The following CSMD2 variants were observed in gnomAD, a reference collection of about 807,000 sequenced individuals.
CSMD2 encodes the protein CUB and Sushi multiple domains 2.
A neutral mutation model predicts 398.5 loss-of-function variants in CSMD2; 130 were observed. That is an observed-to-expected ratio of 0.33 (90% confidence interval 0.28 to 0.38). The LOEUF (loss-of-function observed/expected upper bound fraction) is 0.38. Among genes scored for constraint, CSMD2 ranks in the 10% least tolerant of loss-of-function variants. The pLI is 1.00. For synonymous variants in CSMD2, 1,828 were observed against 1,908.5 expected (o/e 0.96, Z 1.10); for missense variants, 3,829 against 4,764.9 (o/e 0.80, Z 5.78).
At chr1:33,801,443 C>T (rs1010721155) in intron 10 of CSMD2, among the ~76,000 whole-genome samples, 4 of 152,094 alleles carry the variant, frequency 2.6e-5, no homozygotes, top group Admixed American at 2.0e-4. Flanking sequence ...CAAGAGGAGG[C>T]CCTGGAGGAA....
chr1:33,520,557 C>T (rs61801991), intron 68 of CSMD2, among the ~76,000 whole-genome samples: 49 of 152,184 alleles, frequency 3.2e-4, no homozygotes, highest in Non-Finnish European at 6.3e-4. Context: ...GCCTTTGCAG[C>T]GTGCCTGGCC....
intron 3 of CSMD2, among the ~76,000 whole-genome samples, chr1:33,982,264 C>T (rs954020628): frequency 4.6e-5 from 7 of 151,972 alleles, no homozygotes; most frequent in South Asian, 4.2e-4. Context: ...AGAACCAGGG[C>T]GGGAGGAAGG....
At chr1:33,586,359 T>A in intron 46 of CSMD2, 145 bp downstream of exon 46, 1 of 586,986 alleles carries the variant, frequency 1.7e-6, no homozygotes, top group Non-Finnish European at 3.2e-6. Flanking sequence ...CACTTACTCA[T>A]CCATCAGACA....
chr1:33,688,823 C>CA (rs953127226), intron 25 of CSMD2, among the ~76,000 whole-genome samples: 5 of 150,504 alleles, frequency 3.3e-5, no homozygotes, highest in South Asian at 4.2e-4. Context: ...AACCCTCCTC[C>CA]AAAAAAAAGA....
intron 42 of CSMD2, among the ~76,000 whole-genome samples, chr1:33,602,898 T>C (rs1415960860): frequency 3.3e-5 from 5 of 152,210 alleles, no homozygotes; most frequent in Non-Finnish European, 5.9e-5. Context: ...GGGTCAGAGC[T>C]GCAGTGCTTT....
At chr1:33,807,839 A>C (rs1299541494) in intron 10 of CSMD2, among the ~76,000 whole-genome samples, 4 of 152,190 alleles carry the variant, frequency 2.6e-5, no homozygotes, top group Non-Finnish European at 5.9e-5. Context: ...TAGTTAAAAG[A>C]CAAATGGTCA....
At chr1:34,133,833 G>C (rs1300040141) in intron 1 of CSMD2, among the ~76,000 whole-genome samples, 2 of 151,946 alleles carry the variant, frequency 1.3e-5, no homozygotes, top group Admixed American at 6.6e-5. Flanking sequence ...CACTTTGGGA[G>C]GCCGAGGTGG....
In CSMD2 at chr1:33,905,178, A is replaced by G. The variant is rs76936702; in HGVS notation, c.920+12916T>C. Among the ~76,000 whole-genome samples the G allele has an allele frequency of 2.5e-3, 384 of 152,292 alleles. 3 individuals are homozygous for G. Among genetic ancestry groups the G allele is most frequent in the African/African-American group, 8.9e-3 (370 of 41,552 alleles). ...CCTTGAGGACTGAAAATTTAAATCA[A>G]GAGCCACTGGCATCTAGATGATATT... On this transcript the variant is annotated intron_variant, in intron 5 of 70. Transcript: ENST00000373381.
At chr1:33,731,753 G>A (rs570985777) in intron 15 of CSMD2, among the ~76,000 whole-genome samples, 5 of 152,222 alleles carry the variant, frequency 3.3e-5, no homozygotes, top group South Asian at 4.2e-4. Context: ...ATCAAAGAAC[G>A]TATTAGCCAA....
At position 33,709,112 on chromosome 1, in the gene CSMD2, G is replaced by C. The variant is rs1337815388; in HGVS notation, c.3553C>G (p.Leu1185Val). 4 of 1,613,812 alleles carry C rather than the reference G, an allele frequency of 2.5e-6. No homozygotes were observed. In the South Asian group the frequency reaches 4.4e-5, roughly 18 times the overall value. The change falls in exon 22 of 71, where the codon CTC becomes GTC. Residue 1185 changes from leucine to valine, a missense_variant. By Grantham distance (32) the Leu-to-Val change is conservative. Coordinates refer to ENST00000373381, the MANE Select transcript of CSMD2 (RefSeq NM_001281956.2). ...ACCTTGAGGACATCTCCTTCGGAGA[G>C]TTCGAATGCCCTGGCTTTCAGCTGA... ...GIQLKARAFE[L>V]SEGDVLKVYD... is the part of the protein sequence containing the mutation.
chr1:33,673,252 A>G (rs930682038), intron 25 of CSMD2, among the ~76,000 whole-genome samples: 4 of 152,258 alleles, frequency 2.6e-5, no homozygotes, highest in African/African-American at 9.6e-5. Context: ...TAACCAATTC[A>G]GAGAAGTCCT....
chr1:33,907,275 C>T (rs912284487), intron 5 of CSMD2, among the ~76,000 whole-genome samples: 11 of 151,432 alleles, frequency 7.3e-5, no homozygotes, highest in African/African-American at 1.9e-4. Context: ...TCTGCCACCA[C>T]GCCCAGCTAA....
intron 9 of CSMD2, among the ~76,000 whole-genome samples, chr1:33,817,731 C>T (rs1657635248): frequency 6.6e-6 from 1 of 152,194 alleles, no homozygotes. Context: ...AGTAACCCCA[C>T]GAAGTAATGT....
rs1042240199 is a variant in CSMD2, at chr1:34,098,540, C to T, written c.188-9347G>A. Among the ~76,000 whole-genome samples the T allele has an allele frequency of 7.2e-5, 11 of 151,848 alleles. No individual in the cohort carries two copies. The East Asian group carries it at 2.1e-3, about 29-fold the overall frequency. On this transcript the variant is annotated intron_variant, in intron 1 of 70. Transcript: ENST00000373381. The stretch of plus-strand genomic sequence containing the variant: ...CATTTCACAAGATACTAAACAGCAT[C>T]ATAAATGACACTTATGAAAATAGTG...
intron 53 of CSMD2, among the ~76,000 whole-genome samples, chr1:33,564,078 TTCA>T (rs3043323): frequency 0.29 from 43,426 of 151,228 alleles, 7,410 homozygotes; most frequent in Admixed American, 0.45. Context: ...TACCATCATC[TTCA>T]TCATCATCAT....
intron 1 of CSMD2, among the ~76,000 whole-genome samples, chr1:34,120,517 G>A (rs1662066726): frequency 6.6e-6 from 1 of 152,166 alleles, no homozygotes; most frequent in Non-Finnish European, 1.5e-5. Flanking sequence ...AATATGAGGT[G>A]TATAGTAGGA....
chr1:33,658,192 G>A (rs1276750098), intron 26 of CSMD2, 55 bp from the exon 27 acceptor site: 1 of 1,498,572 alleles, frequency 6.7e-7, no homozygotes, highest in African/African-American at 1.4e-5. Flanking sequence ...TGCCACTCAG[G>A]AGGCTCCCAG....
Position 33,786,371 on chromosome 1 carries a change from C to A in CSMD2, c.1663+2229G>T, listed in dbSNP as rs151231734. 1.8e-3 allele frequency among the ~76,000 whole-genome samples: 268 copies of A among 152,302 alleles called. 2 individuals carry two copies. Among genetic ancestry groups the A allele is most frequent in the African/African-American group, 6.3e-3 (264 of 41,578 alleles). ...AATGGGTGAAAACTTAGCAACTTTG[C>A]ATCCATCTCCATTCCCCTTTTCAAA... On this transcript the variant is annotated intron_variant, in intron 12 of 70. Coordinates refer to ENST00000373381, the MANE Select transcript of CSMD2 (RefSeq NM_001281956.2).
chr1:33,987,964 A>G (rs1646418309), intron 3 of CSMD2, among the ~76,000 whole-genome samples: 1 of 152,116 alleles, frequency 6.6e-6, no homozygotes. Context: ...CTTGTCTCCC[A>G]TTCCTCACTC....
Sources: allele counts gnomAD v4.1 joint callset (sites outside exome capture counted in the v4.1 genomes callset), GRCh38; gene constraint gnomAD v4.1.1; transcripts MANE v1.5; gene names NCBI Gene and HGNC (gene_info 2026-07-23, HGNC 2026-07-21).